Variants in ARNT2 observed in about 807,000 individuals in gnomAD.
The protein encoded by ARNT2 is aryl hydrocarbon receptor nuclear translocator 2, also known as ARNT protein 2.
In ARNT2, 36 loss-of-function variants were observed where a neutral mutation model predicts 91.7. That is an observed-to-expected ratio of 0.39 (90% CI 0.30 to 0.52). The LOEUF is 0.52. ARNT2 is among the 20% of genes least tolerant of loss of function. The pLI, the probability that ARNT2 is intolerant of heterozygous loss-of-function variation, is 0.72. For missense variants in ARNT2, 775 were observed against 939.3 expected (o/e 0.83, Z 2.29); for synonymous variants, 365 against 347.1 (o/e 1.05, Z -0.57).
At chr15:80,543,892 C>A (rs988257126) in intron 8 of ARNT2, among the ~76,000 whole-genome samples, 2 of 152,176 alleles carry the variant, frequency 1.3e-5, no homozygotes, top group Admixed American at 1.3e-4. Flanking sequence ...AGGCACGTGC[C>A]ACCATGCCCG....
intron 8 of ARNT2, among the ~76,000 whole-genome samples, chr15:80,524,746 G>A (rs1897611109): frequency 1.3e-5 from 2 of 151,914 alleles, no homozygotes; most frequent in Non-Finnish European, 2.9e-5. Context: ...GTGGTGGCGG[G>A]CGCCTGTAGT....
intron 5 of ARNT2, among the ~76,000 whole-genome samples, chr15:80,479,013 T>C (rs1191250478): frequency 1.3e-5 from 2 of 152,004 alleles, no homozygotes; most frequent in African/African-American, 4.8e-5. Context: ...CCTGCTGGAG[T>C]GGAGGTGGCT....
rs558672194 is a variant in ARNT2 at position 80,594,520 on chromosome 15, G to A, written c.*822G>A. On this transcript the variant is annotated 3_prime_UTR_variant, in exon 19 of 19. Coordinates refer to ENST00000303329, the MANE Select transcript of ARNT2 (RefSeq NM_014862.4). ...CACAGCTAGGGGCATGCTCACATGG[G>A]TAGGTCAGTTCTTTGGTCCAAGCCT... 6.6e-6 allele frequency: 1 copy of A among 152,440 alleles called. No homozygotes were observed. Among genetic ancestry groups the A allele is most frequent in the Admixed American group, 6.5e-5 (1 of 15,298 alleles). 9.4% of individuals were successfully genotyped at this position (152,440 alleles called of 1,614,324 possible).
chr15:80,580,581 G>T (rs1247147326), intron 16 of ARNT2, 32 bp downstream of exon 16: 1 of 1,612,970 alleles, frequency 6.2e-7, no homozygotes, highest in Admixed American at 1.7e-5. Context: ...TCTCCCCTGG[G>T]TGACCAGAGA....
At chr15:80,514,264 A>G (rs1403401855) in intron 7 of ARNT2, 56 bp from the exon 8 acceptor site, 2 of 1,578,524 alleles carry the variant, frequency 1.3e-6, no homozygotes, top group Non-Finnish European at 1.7e-6. Context: ...GGAGTCATCA[A>G]CATCCTTGCC....
At chr15:80,506,655 G>A (rs777581554) in intron 5 of ARNT2, among the ~76,000 whole-genome samples, 1 of 152,222 alleles carries the variant, frequency 6.6e-6, no homozygotes, top group Non-Finnish European at 1.5e-5. Context: ...TTGAGTTTCG[G>A]TCAAAGGAAG....
chr15:80,510,602 G>A (rs568791754), intron 6 of ARNT2, among the ~76,000 whole-genome samples: 4 of 61,686 alleles, frequency 6.5e-5, no homozygotes, highest in South Asian at 3.1e-4. Context: ...AGGCCAAGGC[G>A]GGCAGATCAC....
chr15:80,519,029 C>A (rs540739514), intron 8 of ARNT2, among the ~76,000 whole-genome samples: 1 of 152,282 alleles, frequency 6.6e-6, no homozygotes, highest in East Asian at 1.9e-4. Flanking sequence ...TTTTAAAACA[C>A]ATTAATAATA....
chr15:80,474,799 C>T (rs929004485), intron 4 of ARNT2, among the ~76,000 whole-genome samples: 3 of 138,194 alleles, frequency 2.2e-5, no homozygotes, highest in African/African-American at 8.7e-5. Context: ...ATGGGCTAAC[C>T]GTGTTTACAG....
intron 8 of ARNT2, among the ~76,000 whole-genome samples, chr15:80,531,785 A>G (rs1288017438): frequency 6.6e-6 from 1 of 152,184 alleles, no homozygotes; most frequent in Non-Finnish European, 1.5e-5. Flanking sequence ...TCAGAGCCAA[A>G]GAGAACCTGG....
chr15:80,424,708 G>A (rs1451846337), intron 1 of ARNT2, among the ~76,000 whole-genome samples: 3 of 151,490 alleles, frequency 2.0e-5, no homozygotes, highest in African/African-American at 7.3e-5. Flanking sequence ...CCTTTCAGTG[G>A]TCTGAGTCAT....
chr15:80,543,085 A>G (rs1436937751), intron 8 of ARNT2, among the ~76,000 whole-genome samples: 1 of 141,734 alleles, frequency 7.1e-6, no homozygotes, highest in African/African-American at 2.7e-5. Context: ...TAACAGAGCC[A>G]GACCCGGTCA....
chr15:80,461,278 C>G (rs752753244), intron 3 of ARNT2, among the ~76,000 whole-genome samples: 2 of 152,178 alleles, frequency 1.3e-5, no homozygotes, highest in Non-Finnish European at 2.9e-5. Context: ...TTTTCTCAGA[C>G]TCAGGGTTGA....
chr15:80,462,736 G>A (rs1896579788), intron 3 of ARNT2, among the ~76,000 whole-genome samples: 2 of 152,308 alleles, frequency 1.3e-5, no homozygotes, highest in South Asian at 4.1e-4. Flanking sequence ...TCTTTGGTGA[G>A]ATTGTAGCAC....
chr15:80,436,719 G>A (rs1383256439), intron 1 of ARNT2, among the ~76,000 whole-genome samples: 4 of 152,214 alleles, frequency 2.6e-5, no homozygotes, highest in Non-Finnish European at 5.9e-5. Context: ...CCCTGGTTAT[G>A]TGGACAGTCT....
intron 8 of ARNT2, among the ~76,000 whole-genome samples, chr15:80,526,520 A>G (rs1162562644): frequency 1.3e-5 from 2 of 152,172 alleles, no homozygotes; most frequent in Non-Finnish European, 2.9e-5. Context: ...CTAACAATCC[A>G]TGGAAAATGC....
At chr15:80,523,241 G>C (rs564350717) in intron 8 of ARNT2, among the ~76,000 whole-genome samples, 2 of 152,202 alleles carry the variant, frequency 1.3e-5, no homozygotes, top group African/African-American at 2.4e-5. Context: ...GGAGATTTCC[G>C]AGAGTGGCCC....
chr15:80,536,445 G>A (rs753715263), intron 8 of ARNT2, among the ~76,000 whole-genome samples: 3 of 152,156 alleles, frequency 2.0e-5, no homozygotes, highest in Non-Finnish European at 2.9e-5. Flanking sequence ...TGTGCACCTG[G>A]TTGACAAGGA....
chr15:80,472,358 A>C (rs753515339), intron 4 of ARNT2, among the ~76,000 whole-genome samples: 13 of 152,220 alleles, frequency 8.5e-5, no homozygotes, highest in Non-Finnish European at 1.8e-4. Context: ...GGATTTCACA[A>C]AAAGGGAAGA....
Sources: gnomAD v4.1 joint callset for allele counts (sites outside exome capture counted in the v4.1 genomes callset) on GRCh38, gnomAD v4.1.1 for gene constraint, MANE v1.5 for transcripts, NCBI Gene and HGNC (gene_info 2026-07-23, HGNC 2026-07-21) for gene names.